YAP1: variants seen among roughly 807,000 people sequenced by gnomAD.
The protein encoded by YAP1 is Yes1 associated transcriptional regulator, also known as transcriptional coactivator YAP1.
YAP1 carries 5 observed loss-of-function variants against 56.9 expected under a neutral mutation model. The observed-to-expected ratio is 0.09, with a 90% CI of 0.05 to 0.18. YAP1 has a LOEUF of 0.18. YAP1 is among the 10% of genes least tolerant of loss of function. YAP1 has a pLI of 1.00. For synonymous variants in YAP1, 265 were observed against 248.1 expected, an observed-to-expected ratio of 1.07 and a Z score of -0.64; for missense variants, 539 against 651.8, an observed-to-expected ratio of 0.83 and a Z score of 1.88.
At chr11:102,185,973 C>T (rs1947922671) in intron 3 of YAP1, 45 bp from the exon 4 acceptor site, 2 of 1,507,038 alleles carry the variant, frequency 1.3e-6, no homozygotes, top group East Asian at 2.4e-5. Flanking sequence ...TTTTTAGGTG[C>T]ACCAAATAAA....
At chr11:102,128,974 A>G (rs1465389008) in intron 2 of YAP1, among the ~76,000 whole-genome samples, 1 of 150,728 alleles carries the variant, frequency 6.6e-6, no homozygotes, top group East Asian at 1.9e-4. Flanking sequence ...TCGCTTCCCT[A>G]TCCCCAAACC....
At chr11:102,116,259 C>T (rs1204049175) in intron 2 of YAP1, among the ~76,000 whole-genome samples, 2 of 151,986 alleles carry the variant, frequency 1.3e-5, no homozygotes, top group African/African-American at 4.8e-5. Flanking sequence ...TTAGCCTTTA[C>T]GTTGTATTAA....
At chr11:102,186,431 ATG>A in intron 4 of YAP1, 1 of 306,318 alleles carries the variant, frequency 3.3e-6, no homozygotes, top group Non-Finnish European at 6.1e-6. Flanking sequence ...TGTTTTTAAA[ATG>A]TTTTTTTTTT....
At chr11:102,192,339 A>T (rs1948336050) in intron 4 of YAP1, among the ~76,000 whole-genome samples, 1 of 152,156 alleles carries the variant, frequency 6.6e-6, no homozygotes, top group Non-Finnish European at 1.5e-5. Flanking sequence ...TTTAAGTGTT[A>T]TATTCTATAG....
chr11:102,175,215 C>T (rs187376428), intron 3 of YAP1, among the ~76,000 whole-genome samples: 2,420 of 152,240 alleles, frequency 0.016, 32 homozygotes, highest in Non-Finnish European at 0.026. Context: ...GCCTGACCAA[C>T]ATGGTGAAAC....
At chr11:102,181,736 A>G (rs80008629) in intron 3 of YAP1, among the ~76,000 whole-genome samples, 1 of 152,234 alleles carries the variant, frequency 6.6e-6, no homozygotes, top group African/African-American at 2.4e-5. Flanking sequence ...GCCTAAAATG[A>G]ATAGATGTGG....
chr11:102,124,333 G>A (rs942871045), intron 2 of YAP1, among the ~76,000 whole-genome samples: 2 of 151,992 alleles, frequency 1.3e-5, no homozygotes, highest in Admixed American at 6.6e-5. Flanking sequence ...CTTTATATTG[G>A]GGGTCTGAAA....
intron 4 of YAP1, among the ~76,000 whole-genome samples, chr11:102,195,906 A>G (rs1231285374): frequency 1.3e-5 from 2 of 152,246 alleles, no homozygotes; most frequent in Non-Finnish European, 2.9e-5. Flanking sequence ...AGCCTGTGAC[A>G]AAACCTAGAG....
chr11:102,163,559 C>T (rs1946423422), intron 3 of YAP1, among the ~76,000 whole-genome samples: 1 of 152,196 alleles, frequency 6.6e-6, no homozygotes, highest in East Asian at 1.9e-4. Flanking sequence ...TGCTCAGTGC[C>T]CAGGTTCAGG....
chr11:102,110,787 G>A lies in YAP1; in HGVS notation c.-62G>A, dbSNP rs1942843920. 2 of 1,268,308 alleles carry A rather than the reference G, an allele frequency of 1.6e-6. No individual in the cohort carries two copies. The highest frequency in any genetic ancestry group is 2.0e-6 in the Non-Finnish European group (2 of 1,008,536). 78.6% of individuals were successfully genotyped at this position (1,268,308 alleles called of 1,614,324 possible). On this transcript the variant is annotated 5_prime_UTR_variant, in exon 1 of 9. Transcript: ENST00000282441. ...CTCCACCTCGGCCCGTGGAGCCGGG[G>A]CGTCCGGGCGTAGCCCTCGCTCGCC...
intron 4 of YAP1, among the ~76,000 whole-genome samples, chr11:102,201,969 A>G (rs1211778862): frequency 1.3e-5 from 2 of 152,060 alleles, no homozygotes; most frequent in Non-Finnish European, 2.9e-5. Flanking sequence ...CTAAAAGCAA[A>G]CAAGGAAGTA....
intron 4 of YAP1, among the ~76,000 whole-genome samples, chr11:102,196,795 A>G (rs945501996): frequency 6.6e-6 from 1 of 152,080 alleles, no homozygotes; most frequent in African/African-American, 2.4e-5. Context: ...TTAGGTATAT[A>G]GTGTATTGAG....
At chr11:102,184,037 A>G (rs1349806149) in intron 3 of YAP1, among the ~76,000 whole-genome samples, 1 of 147,368 alleles carries the variant, frequency 6.8e-6, no homozygotes, top group Non-Finnish European at 1.5e-5. Context: ...AGATCCCGCC[A>G]CTGCACTCCA....
Position 102,131,138 on chromosome 11 carries a change from A to G in YAP1, c.572+16744A>G, listed in dbSNP as rs1845704622. The stretch of plus-strand genomic sequence containing the variant: ...GGTGGTTTTCTCAAAAAAGACCCAC[A>G]TGGTTCGGGATAAAGTGTTTGGTTA... On this transcript the variant is annotated intron_variant, in intron 2 of 8. Transcript: ENST00000282441. 2.6e-5 allele frequency among the ~76,000 whole-genome samples: 4 copies of G among 152,232 alleles called. No individual in the cohort carries two copies. In the South Asian group the frequency reaches 8.3e-4, roughly 32 times the overall value.
intron 5 of YAP1, among the ~76,000 whole-genome samples, chr11:102,208,557 A>G (rs1949236259): frequency 6.6e-6 from 1 of 152,204 alleles, no homozygotes; most frequent in African/African-American, 2.4e-5. Flanking sequence ...ATTACCATAA[A>G]GGAAGAATAT....
chr11:102,162,595 G>T, intron 3 of YAP1, 24 bp downstream of exon 3: 2 of 1,596,976 alleles, frequency 1.3e-6, no homozygotes, highest in Non-Finnish European at 1.7e-6. Flanking sequence ...TGTAATTACA[G>T]CACATGGAGT....
intron 5 of YAP1, 137 bp from the exon 6 acceptor site, chr11:102,209,380 C>T (rs574785621): frequency 2.5e-5 from 19 of 761,722 alleles, no homozygotes; most frequent in African/African-American, 3.7e-5. Flanking sequence ...CTCCTGTCTT[C>T]GTCAGTCTGC....
intron 4 of YAP1, among the ~76,000 whole-genome samples, chr11:102,189,817 T>G (rs2135525873): frequency 6.6e-6 from 1 of 152,344 alleles, no homozygotes; most frequent in African/African-American, 2.4e-5. Flanking sequence ...AAAATAAGAC[T>G]AAAGCCGAAG....
At chr11:102,195,819 G>A (rs955722409) in intron 4 of YAP1, among the ~76,000 whole-genome samples, 9 of 152,112 alleles carry the variant, frequency 5.9e-5, no homozygotes, top group East Asian at 1.9e-4. Context: ...TATTAACAGC[G>A]CAAGAACAAA....
Sources: allele counts gnomAD v4.1 joint callset (sites outside exome capture counted in the v4.1 genomes callset), GRCh38; gene constraint gnomAD v4.1.1; transcripts MANE v1.5; gene names NCBI Gene and HGNC (gene_info 2026-07-23, HGNC 2026-07-21).